The following TMEM175 variants were observed in gnomAD, a reference collection of about 807,000 sequenced individuals.
The protein encoded by TMEM175 is transmembrane protein 175, also known as endosomal/lysosomal proton channel TMEM175.
A neutral mutation model predicts 36.5 loss-of-function variants in TMEM175; 36 were observed. The ratio of observed to expected loss-of-function variants is 0.99; its 90% CI spans 0.76 to 1.30. TMEM175 has a LOEUF of 1.30. Among genes scored for constraint, TMEM175 ranks in the 50% most tolerant of loss-of-function variants. TMEM175 has a pLI of 0.00. For synonymous variants in TMEM175, 339 were observed against 313.4 expected, an observed-to-expected ratio of 1.08 and a Z score of -0.86; for missense variants, 705 against 692.8, an observed-to-expected ratio of 1.02 and a Z score of -0.20.
In TMEM175 at chr4:953,259, A is replaced by G. The variant is rs1421155851; in HGVS notation, c.532A>G (p.Arg178Gly). Residue 178 changes from arginine (R) to glycine (G), a missense_variant, in exon 8 of 11, where the codon AGG becomes GGG. Transcript: ENST00000264771. ...LSPQIQRSAH[R>G]ALYRRHVLGI... is the part of the protein sequence containing the mutation. ...CCCGCAGATCCAGCGCTCTGCCCAC[A>G]GGGCTCTGTACCGACGACACGTCCT... 7 of 1,613,976 alleles carry G rather than the reference A, an allele frequency of 4.3e-6. No homozygotes were observed. The Admixed American group carries it at 6.7e-5, about 15-fold the overall frequency.
intron 1 of TMEM175, among the ~76,000 whole-genome samples, chr4:947,032 C>T (rs1301398325): frequency 6.8e-6 from 1 of 146,810 alleles, no homozygotes; most frequent in Non-Finnish European, 1.5e-5. Flanking sequence ...GAGACAGCCC[C>T]AGGCACGCGT....
intron 1 of TMEM175, among the ~76,000 whole-genome samples, chr4:933,294 G>A (rs1299141469): frequency 6.6e-6 from 1 of 151,980 alleles, no homozygotes; most frequent in East Asian, 1.9e-4. Flanking sequence ...ATCACCTGAG[G>A]TCAGGAGTTC....
rs767488180 is a variant in TMEM175, at chr4:951,271, C to T, written c.342+13C>T. 4.6e-5 allele frequency: 74 copies of T among 1,613,864 alleles called. No homozygotes were observed. The highest frequency in any genetic ancestry group is 1.6e-4 in the Middle Eastern group (1 of 6,084). On this transcript the variant is annotated intron_variant, in intron 5 of 10. Transcript: ENST00000264771. ...CCTGCTCAACCTGGTGAGTATTTTCCGGTCCTTTTCTGGGGAGTGACTCTG... is the reference window on the plus strand; with the variant it reads ...CCTGCTCAACCTGGTGAGTATTTTCTGGTCCTTTTCTGGGGAGTGACTCTG...
At chr4:937,130 G>A (rs1040688591) in intron 1 of TMEM175, among the ~76,000 whole-genome samples, 1 of 151,784 alleles carries the variant, frequency 6.6e-6, no homozygotes, top group East Asian at 1.9e-4. Flanking sequence ...ATCAGAACAT[G>A]TACCCCATGA....
At chr4:941,152 C>T (rs1315703787) in intron 1 of TMEM175, among the ~76,000 whole-genome samples, 1 of 149,926 alleles carries the variant, frequency 6.7e-6, no homozygotes, top group South Asian at 2.1e-4. Context: ...CCAAGGTGGG[C>T]AGATTACGAG....
rs867136411 is a variant in TMEM175 at position 953,325 on chromosome 4, G to A, written c.598G>A (p.Ala200Thr). Reference sequence around the variant, plus strand: ...AGGCCCGGCCCTGTGCTTTGCAGCGGCCATCTTCTCTCTCTTCTTTGTCCC... The same window carrying A: ...AGGCCCGGCCCTGTGCTTTGCAGCGACCATCTTCTCTCTCTTCTTTGTCCC... ...LQGPALCFAA[A>T]IFSLFFVPLS... Residue 200 changes from alanine (A) to threonine (T), a missense_variant, in exon 8 of 11, where the codon GCC (alanine) becomes ACC (threonine). Coordinates refer to ENST00000264771, the MANE Select transcript of TMEM175 (RefSeq NM_032326.4). The A allele has an allele frequency of 2.2e-5, 36 of 1,613,286 alleles. No individual in the cohort carries two copies. The highest frequency in any genetic ancestry group is 2.9e-5 in the Non-Finnish European group (34 of 1,179,662).
At chr4:944,297 A>G (rs1276517227) in intron 1 of TMEM175, among the ~76,000 whole-genome samples, 1 of 152,228 alleles carries the variant, frequency 6.6e-6, no homozygotes, top group Non-Finnish European at 1.5e-5. Context: ...TCTCAAAAAA[A>G]TAATTAACTA....
intron 1 of TMEM175, among the ~76,000 whole-genome samples, chr4:944,315 G>A (rs1448551992): frequency 6.6e-6 from 1 of 152,088 alleles, no homozygotes; most frequent in Non-Finnish European, 1.5e-5. Context: ...CTAAATAAAC[G>A]AGGCAAAATT....
chr4:942,636 CTTTTT>C lies in TMEM175; in HGVS notation c.-31-5062_-31-5058del, dbSNP rs879382397. 9.4e-5 allele frequency among the ~76,000 whole-genome samples: 13 copies of C among 137,704 alleles called. 2 individuals carry two copies. Among genetic ancestry groups the C allele is most frequent in the East Asian group, 2.1e-4 (1 of 4,776 alleles). The allele number at this position is 137,704 out of a possible 152,430, so 90.3% of individuals were successfully genotyped here. On this transcript the variant is annotated intron_variant, in intron 1 of 10. Coordinates refer to ENST00000264771, the MANE Select transcript of TMEM175 (RefSeq NM_032326.4). Reference sequence around the variant, plus strand: ...TGGCTGTTAAGGTTCCTTGAATTTTCTTTTTTTTTTTTTTTCTTTTTGAGACAGAG... The same window carrying C: ...TGGCTGTTAAGGTTCCTTGAATTTTCTTTTTTTTTTCTTTTTGAGACAGAG...
At chr4:952,324 A>C (rs1728991214) in intron 6 of TMEM175, 43 bp from the exon 7 acceptor site, 8 of 1,543,426 alleles carry the variant, frequency 5.2e-6, no homozygotes, top group African/African-American at 1.4e-5. Context: ...GGGCCTGGTA[A>C]CCTAGGATTT....
At chr4:948,457 G>C (rs1440312359) in intron 3 of TMEM175, 2 of 1,480,990 alleles carry the variant, frequency 1.4e-6, no homozygotes, top group Non-Finnish European at 1.8e-6. Context: ...CAGGTTGGAA[G>C]AGGAAGGTTC....
Position 958,630 on chromosome 4 carries a change from TATC to T in TMEM175, c.*137_*139del, listed in dbSNP as rs1391907404. ...GCCTGGTTTTATTTTCATTGTGAAATATCATGCTCTTATTTCAGTCCTCAAATT... is the reference window on the plus strand; with the variant it reads ...GCCTGGTTTTATTTTCATTGTGAAATATGCTCTTATTTCAGTCCTCAAATT... On this transcript the variant is annotated 3_prime_UTR_variant, in exon 11 of 11. Coordinates refer to ENST00000264771, the MANE Select transcript of TMEM175 (RefSeq NM_032326.4). 1.7e-4 allele frequency: 120 copies of T among 706,522 alleles called. No homozygotes were observed. Among genetic ancestry groups the T allele is most frequent in the African/African-American group, 1.4e-3 (79 of 55,414 alleles). 43.8% of individuals were successfully genotyped at this position (706,522 alleles called of 1,614,324 possible).
rs566490996 is a variant in TMEM175 at position 932,574 on chromosome 4, G to C, written c.-32+34G>C. Reference sequence around the variant, plus strand: ...GCGCCCCAGTCCAGCTCCCGGTACCGTTCCCCACATGGTCTGTTTTGTGGG... The same window carrying C: ...GCGCCCCAGTCCAGCTCCCGGTACCCTTCCCCACATGGTCTGTTTTGTGGG... On this transcript the variant is annotated intron_variant, in intron 1 of 10. Coordinates refer to ENST00000264771, the MANE Select transcript of TMEM175 (RefSeq NM_032326.4). This position sits in a 1 kb window ranked among gnomAD's most constrained non-coding sequence, Gnocchi z 4.0. 2 of 416,678 alleles carry C rather than the reference G, an allele frequency of 4.8e-6. No individual in the cohort carries two copies. The highest frequency in any genetic ancestry group is 4.1e-5 in the African/African-American group (2 of 48,486). 25.8% of individuals were successfully genotyped at this position (416,678 alleles called of 1,614,324 possible).
At chr4:956,564 T>C in intron 10 of TMEM175, 1 of 932,728 alleles carries the variant, frequency 1.1e-6, no homozygotes, top group Non-Finnish European at 1.4e-6. Flanking sequence ...TGCCTCAGCC[T>C]CCCAAGTAGT....
At chr4:950,284 A>G in intron 3 of TMEM175, 137 bp from the exon 4 acceptor site, 1 of 669,846 alleles carries the variant, frequency 1.5e-6, no homozygotes, top group Non-Finnish European at 2.7e-6. Context: ...GGACCCTCCC[A>G]GGTGCCTCAC....
chr4:939,057 CAGGTTGAGGCGGG>C, intron 1 of TMEM175, among the ~76,000 whole-genome samples: 1 of 152,284 alleles, frequency 6.6e-6, no homozygotes, highest in Admixed American at 6.5e-5. Flanking sequence ...AGCAACTCAG[CAGGTTGAGGCGGG>C]AGGATCCCTT....
rs753513381 is a variant in TMEM175 at position 953,300 on chromosome 4, A to G, written c.573A>G (p.Gln191=). The change falls in exon 8 of 11, where the codon CAA becomes CAG. Residue 191 remains glutamine, a synonymous_variant. Coordinates refer to ENST00000264771, the MANE Select transcript of TMEM175 (RefSeq NM_032326.4). ...YRRHVLGIVL[Q]GPALCFAAAI... ...GACACGTCCTGGGCATCGTCCTCCA[A>G]GGCCCGGCCCTGTGCTTTGCAGCGG... 6 of 1,614,002 alleles carry G rather than the reference A, an allele frequency of 3.7e-6. No homozygotes were observed. The East Asian group carries it at 1.3e-4, about 36-fold the overall frequency.
In TMEM175 at chr4:955,768, C is replaced by G; in HGVS notation, c.720C>G (p.Pro240=). The G allele has an allele frequency of 6.2e-7, 1 of 1,613,540 alleles. No homozygotes were observed. Among genetic ancestry groups the G allele is most frequent in the East Asian group, 2.2e-5 (1 of 44,864 alleles). ...GCGTGTCCCCAGGCCACAGGGAGCC[C>G]TCGGCTCACCCAGTGGAAGTCTTCT... ...CRDRLLGHRE[P]SAHPVEVFSF... The change falls in exon 10 of 11, where the codon CCC becomes CCG. Residue 240 remains proline, a synonymous_variant. Transcript: ENST00000264771.
intron 3 of TMEM175, chr4:948,407 T>A: frequency 6.6e-7 from 1 of 1,523,720 alleles, no homozygotes; most frequent in Non-Finnish European, 8.8e-7. Flanking sequence ...GTTTCCGAGT[T>A]CAGTGGACAA....
Sources: allele counts gnomAD v4.1 joint callset (sites outside exome capture counted in the v4.1 genomes callset), GRCh38; gene constraint gnomAD v4.1.1; non-coding constraint Gnocchi (gnomAD v3.1); transcripts MANE v1.5; gene names NCBI Gene and HGNC (gene_info 2026-07-23, HGNC 2026-07-21).